PTBP3: variants seen among roughly 807,000 people sequenced by gnomAD.
PTBP3 encodes polypyrimidine tract-binding protein 3.
In PTBP3, 20 loss-of-function variants were observed where a neutral mutation model predicts 58.7. The ratio of observed to expected loss-of-function variants is 0.34; its 90% confidence interval spans 0.24 to 0.50. PTBP3 has a LOEUF of 0.50. Among genes scored for constraint, PTBP3 ranks in the 20% least tolerant of loss-of-function variants. PTBP3 has a pLI of 0.98. For missense variants in PTBP3, 509 were observed against 637.2 expected (o/e 0.80, Z 2.17); for synonymous variants, 185 against 219.8 (o/e 0.84, Z 1.40).
chr9:112,268,724 A>AT (rs1393567802), intron 3 of PTBP3, among the ~76,000 whole-genome samples: 1 of 151,818 alleles, frequency 6.6e-6, no homozygotes, highest in Non-Finnish European at 1.5e-5. Flanking sequence ...AAAAAAAAAA[A>AT]AAAAAAAAAA....
At chr9:112,371,511 T>C in the PTBP3 span, among the ~76,000 whole-genome samples, 1 of 152,188 alleles carries the variant, frequency 6.6e-6, no homozygotes, top group Non-Finnish European at 1.5e-5. Flanking sequence ...AATTATTACC[T>C]TGGAGAATGC....
upstream of PTBP3, among the ~76,000 whole-genome samples, chr9:112,338,148 G>C (rs1273795738): frequency 4.6e-5 from 7 of 152,176 alleles, no homozygotes; most frequent in Admixed American, 2.6e-4. Context: ...TGGTTACCAA[G>C]GATTAGGAAG....
chr9:112,332,363 A>T (rs1830409481), intron 1 of PTBP3, among the ~76,000 whole-genome samples: 1 of 117,208 alleles, frequency 8.5e-6, no homozygotes. Context: ...TAATGAGGTC[A>T]AAAGCTGTTG....
the PTBP3 span, among the ~76,000 whole-genome samples, chr9:112,360,461 C>T: frequency 6.6e-6 from 1 of 152,152 alleles, no homozygotes; most frequent in Non-Finnish European, 1.5e-5. Context: ...GTTACGATTA[C>T]AGGCATGAGG....
upstream of PTBP3, among the ~76,000 whole-genome samples, chr9:112,336,450 A>T (rs1345173173): frequency 6.6e-6 from 1 of 151,922 alleles, no homozygotes; most frequent in Non-Finnish European, 1.5e-5. Context: ...AATGATTCCA[A>T]AAAGGCTGTA....
At chr9:112,295,209 A>G (rs1828619300) in intron 2 of PTBP3, among the ~76,000 whole-genome samples, 1 of 151,504 alleles carries the variant, frequency 6.6e-6, no homozygotes, top group Non-Finnish European at 1.5e-5. Context: ...ACTGCACTCC[A>G]GCCTGGGCGA....
At chr9:112,368,620 C>T in the PTBP3 span, among the ~76,000 whole-genome samples, 28 of 152,156 alleles carry the variant, frequency 1.8e-4, no homozygotes, top group East Asian at 1.9e-4. Flanking sequence ...TTCCCATACA[C>T]ATGGGCCTTC....
intron 10 of PTBP3, among the ~76,000 whole-genome samples, chr9:112,230,863 C>G (rs1004478330): frequency 3.9e-5 from 6 of 152,070 alleles, no homozygotes; most frequent in Non-Finnish European, 7.4e-5. Context: ...CGCATTATAC[C>G]ACTCTCTTGC....
chr9:112,241,318 G>A (rs1380084696), intron 7 of PTBP3, among the ~76,000 whole-genome samples: 2 of 152,098 alleles, frequency 1.3e-5, no homozygotes, highest in African/African-American at 4.8e-5. Context: ...TGGCCAGGCT[G>A]GTCTCAAACT....
At chr9:112,228,554 G>A (rs1835080580) in intron 10 of PTBP3, 82 bp from the exon 11 acceptor site, 3 of 703,438 alleles carry the variant, frequency 4.3e-6, no homozygotes, top group East Asian at 3.4e-5. Context: ...CTTAAAGAAG[G>A]CATTTCTTAC....
At chr9:112,364,651 A>G in the PTBP3 span, among the ~76,000 whole-genome samples, 1 of 152,232 alleles carries the variant, frequency 6.6e-6, no homozygotes, top group Admixed American at 6.5e-5. Context: ...AAAAATTAAG[A>G]AATTTAAAAA....
intron 12 of PTBP3, among the ~76,000 whole-genome samples, chr9:112,226,625 A>C (rs992454997): frequency 6.6e-6 from 1 of 152,242 alleles, no homozygotes; most frequent in Non-Finnish European, 1.5e-5. Flanking sequence ...AGGGCCAGAC[A>C]GTAAATATCT....
the PTBP3 span, among the ~76,000 whole-genome samples, chr9:112,356,874 C>CTTTTTTTT: frequency 5.5e-5 from 5 of 91,526 alleles, no homozygotes; most frequent in South Asian, 4.4e-4. Context: ...TCATTTCCCT[C>CTTTTTTTT]TTTTTTTTTT....
intron 1 of PTBP3, among the ~76,000 whole-genome samples, chr9:112,318,658 G>T (rs1421242867): frequency 3.9e-5 from 6 of 151,912 alleles, no homozygotes; most frequent in Admixed American, 3.9e-4. Context: ...TACTCAGGAA[G>T]CTAGGGCAGG....
chr9:112,285,119 C>T (rs1202185415), intron 2 of PTBP3, among the ~76,000 whole-genome samples: 1 of 152,242 alleles, frequency 6.6e-6, no homozygotes, highest in Non-Finnish European at 1.5e-5. Context: ...ATCATGATTC[C>T]CATGTGTTGA....
chr9:112,240,614 CT>C (rs1339503633), intron 7 of PTBP3, among the ~76,000 whole-genome samples: 7 of 148,864 alleles, frequency 4.7e-5, no homozygotes, highest in African/African-American at 1.7e-4. Context: ...CTATACTATA[CT>C]TTTTATTGTT....
intron 3 of PTBP3, among the ~76,000 whole-genome samples, chr9:112,271,446 C>T (rs773769486): frequency 1.3e-5 from 2 of 152,116 alleles, no homozygotes; most frequent in Non-Finnish European, 2.9e-5. Flanking sequence ...TAAAGACAGG[C>T]GTAGTGGCTC....
Position 112,231,978 on chromosome 9 carries a change from A to G in PTBP3, c.1020+121T>C, listed in dbSNP as rs1478127998. 3.6e-5 allele frequency: 15 copies of G among 422,270 alleles called. No homozygotes were observed. The African/African-American group carries it at 4.8e-4, about 14-fold the overall frequency. 26.2% of individuals were successfully genotyped at this position (422,270 alleles called of 1,614,324 possible). A position where few individuals can be genotyped will look rare whatever the true frequency, so the allele number is the denominator to read the frequency against. ...AGAAGAGAAGAGAAGAGAGAAGAGAAGAGAAGAGAAGAGAAGAGAAGAGAA... is the reference window on the plus strand; with the variant it reads ...AGAAGAGAAGAGAAGAGAGAAGAGAGGAGAAGAGAAGAGAAGAGAAGAGAA... On this transcript the variant is annotated intron_variant, in intron 9 of 13. Transcript: ENST00000374257.
Position 112,317,241 on chromosome 9 carries a change from T to C in PTBP3, c.-52+16229A>G, listed in dbSNP as rs537916706. ...GCCTGGGCAACACAGTGAGACCCCA[T>C]ATCCAAAAAAAAAGAAAAAAAAGAA... On this transcript the variant is annotated intron_variant, in intron 1 of 13. Transcript: ENST00000374257. Among the ~76,000 whole-genome samples, 20 of 148,618 alleles carry C rather than the reference T, an allele frequency of 1.3e-4. No individual in the cohort carries two copies. The South Asian group carries it at 4.0e-3, about 30-fold the overall frequency.
Sources: allele counts gnomAD v4.1 joint callset (sites outside exome capture counted in the v4.1 genomes callset), GRCh38; gene constraint gnomAD v4.1.1; transcripts MANE v1.5; gene names NCBI Gene and HGNC (gene_info 2026-07-23, HGNC 2026-07-21).